The following CLVS1 variants were observed in gnomAD, a reference collection of about 807,000 sequenced individuals.
CLVS1 encodes the protein clavesin 1.
A neutral mutation model predicts 33.1 loss-of-function variants in CLVS1; 10 were observed. The observed-to-expected ratio is 0.30, with a 90% CI of 0.19 to 0.51. The LOEUF (loss-of-function observed/expected upper bound fraction) is 0.51. CLVS1 is among the 20% of genes least tolerant of loss of function. The pLI, the probability that CLVS1 is intolerant of heterozygous loss-of-function variation, is 0.97. For synonymous variants in CLVS1, 163 were observed against 166.1 expected, an observed-to-expected ratio of 0.98 and a Z score of 0.14; for missense variants, 343 against 433.4, an observed-to-expected ratio of 0.79 and a Z score of 1.85.
intron 3 of CLVS1, among the ~76,000 whole-genome samples, chr8:61,391,679 T>C (rs1814310657): frequency 6.6e-6 from 1 of 152,216 alleles, no homozygotes; most frequent in African/African-American, 2.4e-5. Flanking sequence ...TAATCCTTAA[T>C]GCCCTAATCT....
At chr8:61,237,355 G>A (rs1375033103) in intron 2 of CLVS1, among the ~76,000 whole-genome samples, 1 of 152,212 alleles carries the variant, frequency 6.6e-6, no homozygotes, top group African/African-American at 2.4e-5. Context: ...GGCTGAGGCA[G>A]GAGGATCCCA....
intron 2 of CLVS1, among the ~76,000 whole-genome samples, chr8:61,335,289 A>T (rs979490595): frequency 6.6e-6 from 1 of 152,234 alleles, no homozygotes; most frequent in African/African-American, 2.4e-5. Context: ...GACAAGAAGG[A>T]GGACTGCTTT....
intron 2 of CLVS1, among the ~76,000 whole-genome samples, chr8:61,258,376 A>C (rs1809130504): frequency 6.6e-6 from 1 of 152,228 alleles, no homozygotes; most frequent in Non-Finnish European, 1.5e-5. Flanking sequence ...TCTATGTCCC[A>C]GAGAGTGCAA....
chr8:61,455,178 TTGTGTGTG>T lies in CLVS1; in HGVS notation c.741+952_741+959del, dbSNP rs35160609. On this transcript the variant is annotated intron_variant, in intron 4 of 5. Transcript: ENST00000325897. ...ATCTATCACCTCCTATAATTATGAT[TTGTGTGTG>T]TGTGTGTGTGTGTGTGTGTGTGTGG... Among the ~76,000 whole-genome samples, 947 of 147,540 alleles carry T rather than the reference TTGTGTGTG, an allele frequency of 6.4e-3. 14 individuals carry two copies. Among genetic ancestry groups the T allele is most frequent in the African/African-American group, 0.022 (872 of 40,206 alleles).
chr8:61,446,739 T>G (rs891037728), intron 3 of CLVS1, among the ~76,000 whole-genome samples: 1 of 152,128 alleles, frequency 6.6e-6, no homozygotes, highest in Non-Finnish European at 1.5e-5. Context: ...AGTTTCAACA[T>G]GAGTTTCAAG....
At position 61,454,336 on chromosome 8, in the gene CLVS1, C is replaced by A. The variant is rs529075091; in HGVS notation, c.741+85C>A. The A allele has an allele frequency of 2.5e-5, 24 of 969,134 alleles. No homozygotes were observed. In the East Asian group the frequency reaches 5.3e-4, roughly 21 times the overall value. The allele number at this position is 969,134 out of a possible 1,614,324, so 60.0% of individuals were successfully genotyped here. A position where few individuals can be genotyped will look rare whatever the true frequency, so the allele number is the denominator to read the frequency against. ...CTCTCCCCTCCTCTCTCCTTTCCCC[C>A]CTTTTTCTCTCTTTCTCTCTTTATC... On this transcript the variant is annotated intron_variant, in intron 4 of 5. Transcript: ENST00000325897.
chr8:61,083,274 C>A (rs1805057932), intron 1 of CLVS1, among the ~76,000 whole-genome samples: 1 of 152,184 alleles, frequency 6.6e-6, no homozygotes, highest in Non-Finnish European at 1.5e-5. Context: ...AAGGGGTTCC[C>A]ACTTTCTCTA....
intron 5 of CLVS1, among the ~76,000 whole-genome samples, chr8:61,481,839 G>A (rs914430570): frequency 6.6e-6 from 1 of 152,346 alleles, no homozygotes; most frequent in South Asian, 2.1e-4. Context: ...TGACAGCTTT[G>A]AAGAGAGGAG....
At chr8:61,225,222 G>A (rs1027245213) in intron 2 of CLVS1, among the ~76,000 whole-genome samples, 8 of 152,122 alleles carry the variant, frequency 5.3e-5, no homozygotes, top group Admixed American at 2.6e-4. Context: ...GGAGGCTGAG[G>A]CAGGAGAATC....
At chr8:61,066,681 A>G (rs931800467) in intron 1 of CLVS1, among the ~76,000 whole-genome samples, 6 of 152,192 alleles carry the variant, frequency 3.9e-5, no homozygotes, top group Non-Finnish European at 8.8e-5. Flanking sequence ...TTGCCCTGAA[A>G]AACAAGGGGA....
the CLVS1 span, among the ~76,000 whole-genome samples, chr8:61,032,277 C>A: frequency 1.3e-5 from 2 of 152,182 alleles, no homozygotes; most frequent in African/African-American, 4.8e-5. Context: ...AGAGCTGAGT[C>A]TTGTGTTAAA....
At chr8:61,437,717 T>G (rs753435236) in intron 3 of CLVS1, among the ~76,000 whole-genome samples, 12 of 152,246 alleles carry the variant, frequency 7.9e-5, no homozygotes, top group Non-Finnish European at 1.8e-4. Flanking sequence ...ATCATGATTC[T>G]CTTGTCAAAG....
At chr8:61,398,059 G>T (rs981768815) in intron 3 of CLVS1, among the ~76,000 whole-genome samples, 2 of 152,062 alleles carry the variant, frequency 1.3e-5, no homozygotes, top group Non-Finnish European at 2.9e-5. Flanking sequence ...TTTGGATAGA[G>T]ACTGCATTGA....
intron 2 of CLVS1, among the ~76,000 whole-genome samples, chr8:61,280,399 T>C (rs1032538056): frequency 3.0e-4 from 46 of 152,222 alleles, no homozygotes; most frequent in African/African-American, 1.0e-3. Context: ...CAACTTTTAG[T>C]GCTCCAAAAG....
At position 61,500,182 on chromosome 8, in the gene CLVS1, G is replaced by C. The variant is rs970717091; in HGVS notation, c.*640G>C. The C allele has an allele frequency of 6.6e-6, 1 of 152,562 alleles. No homozygotes were observed. The highest frequency in any genetic ancestry group is 1.5e-5 in the Non-Finnish European group (1 of 68,056). 9.5% of individuals were successfully genotyped at this position (152,562 alleles called of 1,614,324 possible). On this transcript the variant is annotated 3_prime_UTR_variant, in exon 6 of 6. Transcript: ENST00000325897. Reference sequence around the variant, plus strand: ...TGTCACATCTCTTGTCAGGTCACTAGCTGACTGTCATGAGCTGACGTTAAA... The same window carrying C: ...TGTCACATCTCTTGTCAGGTCACTACCTGACTGTCATGAGCTGACGTTAAA...
At chr8:61,357,878 A>T (rs1812807849) in intron 2 of CLVS1, among the ~76,000 whole-genome samples, 1 of 152,068 alleles carries the variant, frequency 6.6e-6, no homozygotes, top group Admixed American at 6.6e-5. Flanking sequence ...TTCTTAATAA[A>T]AAGTTGCTGG....
the CLVS1 span, among the ~76,000 whole-genome samples, chr8:60,987,882 A>G: frequency 6.6e-6 from 1 of 152,266 alleles, no homozygotes. Context: ...GTGAACCATG[A>G]TCATGCCCTC....
rs1463651988 is a variant in CLVS1, at chr8:61,409,481, C to T, written c.630+32702C>T. Among the ~76,000 whole-genome samples the T allele has an allele frequency of 3.3e-5, 5 of 151,644 alleles. No individual in the cohort carries two copies. In the East Asian group the frequency reaches 9.7e-4, roughly 29 times the overall value. Reference sequence around the variant, plus strand: ...CCCATCAGCCCATAGAGAACTCCCTCCTTATTTCTTTTGAATGTGCATAGT... The same window carrying T: ...CCCATCAGCCCATAGAGAACTCCCTTCTTATTTCTTTTGAATGTGCATAGT... On this transcript the variant is annotated intron_variant, in intron 3 of 5. Coordinates refer to ENST00000325897, the MANE Select transcript of CLVS1 (RefSeq NM_173519.3).
intron 1 of CLVS1, among the ~76,000 whole-genome samples, chr8:61,097,537 G>A (rs531720741): frequency 1.3e-5 from 2 of 152,306 alleles, no homozygotes; most frequent in African/African-American, 4.8e-5. Flanking sequence ...TGTGAGCACA[G>A]GCTATTTTGT....
Sources: allele counts gnomAD v4.1 joint callset (sites outside exome capture counted in the v4.1 genomes callset), GRCh38; gene constraint gnomAD v4.1.1; transcripts MANE v1.5; gene names NCBI Gene and HGNC (gene_info 2026-07-23, HGNC 2026-07-21).